The following LYRM4 variants were observed in gnomAD, a reference collection of about 807,000 sequenced individuals.
LYRM4 encodes LYR motif-containing protein 4.
Under a neutral mutation model 11.7 loss-of-function variants are expected in LYRM4, and 9 were observed. The ratio of observed to expected loss-of-function variants is 0.77; its 90% CI spans 0.46 to 1.34. LYRM4 has a LOEUF of 1.34. Among genes scored for constraint, LYRM4 ranks in the 40% most tolerant of loss-of-function variants. The pLI, the probability that LYRM4 is intolerant of heterozygous loss-of-function variation, is 0.00. For synonymous variants in LYRM4, 42 were observed against 40.4 expected (o/e 1.04, Z -0.15); for missense variants, 133 against 112.5 (o/e 1.18, Z -0.82).
chr6:5,151,146 C>A (rs868192286), intron 2 of LYRM4, among the ~76,000 whole-genome samples: 4 of 149,782 alleles, frequency 2.7e-5, no homozygotes, highest in Non-Finnish European at 5.9e-5. Context: ...TGCAGTGGCA[C>A]GATCTTGGCT....
the LYRM4 span, among the ~76,000 whole-genome samples, chr6:5,084,000 T>C: frequency 6.6e-6 from 1 of 151,946 alleles, no homozygotes; most frequent in Non-Finnish European, 1.5e-5. Context: ...CTGGGAGCAG[T>C]GGGGGGCGCC....
chr6:5,252,578 A>G (rs1213742445), intron 1 of LYRM4, among the ~76,000 whole-genome samples: 2 of 152,090 alleles, frequency 1.3e-5, no homozygotes, highest in Admixed American at 1.3e-4. Flanking sequence ...TTGCCTAATC[A>G]ATAGTTCTTC....
At chr6:5,213,918 T>C (rs1762115023) in intron 2 of LYRM4, among the ~76,000 whole-genome samples, 1 of 152,250 alleles carries the variant, frequency 6.6e-6, no homozygotes, top group Admixed American at 6.5e-5. Context: ...TGATCCTCAC[T>C]ACAACGCATG....
the LYRM4 span, among the ~76,000 whole-genome samples, chr6:5,074,851 T>G: frequency 4.6e-5 from 7 of 152,106 alleles, no homozygotes; most frequent in Non-Finnish European, 1.0e-4. Flanking sequence ...ATAGTTTGGC[T>G]GTTGTCCCTG....
chr6:5,186,109 T>C (rs968895250), intron 2 of LYRM4, among the ~76,000 whole-genome samples: 2 of 151,362 alleles, frequency 1.3e-5, no homozygotes, highest in Non-Finnish European at 1.5e-5. Flanking sequence ...TGCCAGGGGG[T>C]TGAGGTGTTA....
chr6:5,184,279 G>A (rs2127682283), intron 2 of LYRM4, among the ~76,000 whole-genome samples: 1 of 152,242 alleles, frequency 6.6e-6, no homozygotes, highest in African/African-American at 2.4e-5. Flanking sequence ...AATGGCGAGT[G>A]GCATGGAGTT....
At chr6:5,085,623 G>A in the LYRM4 span, 1 of 1,548,302 alleles carries the variant, frequency 6.5e-7, no homozygotes, top group South Asian at 1.2e-5. Flanking sequence ...GCGCTTCGGA[G>A]ACCCCGAGTC....
At chr6:5,144,233 C>G in intron 2 of LYRM4, 3 of 1,537,102 alleles carry the variant, frequency 2.0e-6, no homozygotes, top group Non-Finnish European at 2.6e-6. Context: ...TCCCCGACTT[C>G]CTCCTGGCGG....
chr6:5,224,632 G>A (rs1762773005), intron 1 of LYRM4, among the ~76,000 whole-genome samples: 1 of 152,040 alleles, frequency 6.6e-6, no homozygotes, highest in African/African-American at 2.4e-5. Flanking sequence ...ATAGAGAATT[G>A]GCTACATAAA....
chr6:5,118,095 T>TATATATATTTTTTTTTGTTTGTTTG (rs34304149), intron 2 of LYRM4, among the ~76,000 whole-genome samples: 2 of 96,884 alleles, frequency 2.1e-5, no homozygotes, highest in Non-Finnish European at 4.1e-5. Context: ...TATATATATA[T>TATATATATTTTTTTTTGTTTGTTTG]TTTTGTTTTG....
At chr6:5,142,293 G>A (rs988260965) in intron 2 of LYRM4, among the ~76,000 whole-genome samples, 2 of 152,134 alleles carry the variant, frequency 1.3e-5, no homozygotes, top group Admixed American at 1.3e-4. Context: ...AGGAAGCCCA[G>A]GTTACAGTGA....
At chr6:5,064,299 C>T in the LYRM4 span, among the ~76,000 whole-genome samples, 32 of 152,126 alleles carry the variant, frequency 2.1e-4, no homozygotes, top group Middle Eastern at 6.8e-3. Context: ...GCAAACGAGA[C>T]GTGATATCTA....
At chr6:5,094,080 A>G in the LYRM4 span, among the ~76,000 whole-genome samples, 4 of 152,250 alleles carry the variant, frequency 2.6e-5, no homozygotes, top group East Asian at 5.8e-4. Context: ...CAGCAGTGGC[A>G]AGAATGAGCC....
At chr6:5,085,441 G>C in the LYRM4 span, 1 of 1,419,454 alleles carries the variant, frequency 7.0e-7, no homozygotes, top group Non-Finnish European at 9.5e-7. Flanking sequence ...TAAGTCTCCA[G>C]AGGGGCCCGG....
At chr6:5,101,969 T>TTTC (rs34310375), downstream of LYRM4, among the ~76,000 whole-genome samples, 5 of 72,630 alleles carry the variant, frequency 6.9e-5, no homozygotes, top group African/African-American at 2.3e-4. Flanking sequence ...TAATGCTTTC[T>TTTC]TTTTTTTTTT....
At chr6:5,143,883 T>C (rs1757550572) in intron 2 of LYRM4, among the ~76,000 whole-genome samples, 1 of 152,222 alleles carries the variant, frequency 6.6e-6, no homozygotes, top group South Asian at 2.1e-4. Flanking sequence ...TCACAGCTAT[T>C]GTATAAGTGA....
rs559207258 is a variant in LYRM4 at position 5,242,474 on chromosome 6, C to A, written c.86+18174G>T. ...GTGGCTCAGGCCTGTAATCCCAGCA[C>A]TTTGGGGGGCCGAGGCAGGTGAATC... is the stretch of plus-strand genomic sequence containing the variant. On this transcript the variant is annotated intron_variant, in intron 1 of 2. Coordinates refer to ENST00000330636, the MANE Select transcript of LYRM4 (RefSeq NM_020408.6). Among the ~76,000 whole-genome samples, 7 of 151,484 alleles carry A rather than the reference C, an allele frequency of 4.6e-5. No homozygotes were observed. The East Asian group carries it at 1.2e-3, about 27-fold the overall frequency.
chr6:5,140,689 C>T (rs1757358419), intron 2 of LYRM4, among the ~76,000 whole-genome samples: 1 of 152,162 alleles, frequency 6.6e-6, no homozygotes, highest in African/African-American at 2.4e-5. Flanking sequence ...TTATCATTTC[C>T]TAGATTCTTA....
intron 2 of LYRM4, among the ~76,000 whole-genome samples, chr6:5,119,750 T>C (rs1401783752): frequency 2.2e-5 from 3 of 135,736 alleles, no homozygotes; most frequent in Admixed American, 7.7e-5. Context: ...GATTGCACAA[T>C]TGCACTATAG....
Sources: allele counts gnomAD v4.1 joint callset (sites outside exome capture counted in the v4.1 genomes callset), GRCh38; gene constraint gnomAD v4.1.1; transcripts MANE v1.5; gene names NCBI Gene and HGNC (gene_info 2026-07-23, HGNC 2026-07-21).